RPS6KA2: variants seen among roughly 807,000 people sequenced by gnomAD.
The protein encoded by RPS6KA2 is ribosomal protein S6 kinase A2.
Under a neutral mutation model 91.8 loss-of-function variants are expected in RPS6KA2, and 42 were observed. The observed-to-expected ratio is 0.46, with a 90% CI of 0.36 to 0.59. The LOEUF (loss-of-function observed/expected upper bound fraction) is 0.59, where lower values mean the gene tolerates loss of function less well. RPS6KA2 is among the 20% of genes least tolerant of loss of function. RPS6KA2 has a pLI of 0.00. For missense variants in RPS6KA2, 798 were observed against 978.5 expected (o/e 0.82, Z 2.46); for synonymous variants, 414 against 393.6 (o/e 1.05, Z -0.61).
chr6:166,544,743 C>T (rs183149888), intron 1 of RPS6KA2: 2 of 152,270 alleles, frequency 1.3e-5, no homozygotes, highest in African/African-American at 4.8e-5. Context: ...TTAAACTGCC[C>T]TTTCTGCATC....
chr6:166,739,686 G>C (rs1206502069), intron 2 of RPS6KA2, among the ~76,000 whole-genome samples: 1 of 152,254 alleles, frequency 6.6e-6, no homozygotes, highest in Non-Finnish European at 1.5e-5. Context: ...AAATCCCTCT[G>C]TCTGTGCCAA....
At chr6:166,802,776 T>C (rs1345166516) in intron 2 of RPS6KA2, among the ~76,000 whole-genome samples, 1 of 152,166 alleles carries the variant, frequency 6.6e-6, no homozygotes, top group East Asian at 1.9e-4. Context: ...GGTTGAACGC[T>C]TGTCACTCAT....
At chr6:166,534,920 AT>A (rs943173971) in intron 2 of RPS6KA2, among the ~76,000 whole-genome samples, 1 of 152,084 alleles carries the variant, frequency 6.6e-6, no homozygotes, top group Admixed American at 6.6e-5. Flanking sequence ...TGCAAAAATG[AT>A]TTTGGTAACG....
At chr6:166,634,139 T>A (rs9348157) in intron 2 of RPS6KA2, among the ~76,000 whole-genome samples, 17,575 of 152,176 alleles carry the variant, frequency 0.12, 1,118 homozygotes, top group East Asian at 0.2. Context: ...AGGGACACAC[T>A]TGCATTTGAG....
At chr6:166,701,101 C>G (rs917281115) in intron 2 of RPS6KA2, 5 of 1,608,306 alleles carry the variant, frequency 3.1e-6, no homozygotes, top group Middle Eastern at 2.2e-4. Flanking sequence ...GCCTTACTTC[C>G]GTCTTGACTG....
chr6:166,858,143 C>T (rs1453479070), intron 2 of RPS6KA2: 3 of 1,029,856 alleles, frequency 2.9e-6, no homozygotes, highest in Non-Finnish European at 4.6e-6. Context: ...CCCTTCACCA[C>T]CTTCTGGGCC....
At chr6:166,601,428 G>A (rs899158660) in intron 1 of RPS6KA2, among the ~76,000 whole-genome samples, 1 of 152,198 alleles carries the variant, frequency 6.6e-6, no homozygotes, top group Non-Finnish European at 1.5e-5. Flanking sequence ...GCTACCTGGA[G>A]CATAAAGAAC....
chr6:166,503,186 T>G (rs891263750), intron 6 of RPS6KA2, among the ~76,000 whole-genome samples: 6 of 152,202 alleles, frequency 3.9e-5, no homozygotes, highest in Non-Finnish European at 7.4e-5. Context: ...TTTGGAGCAT[T>G]TCAGATTCGG....
Position 166,566,429 on chromosome 6 carries a change from A to G in RPS6KA2, c.100-27645T>C, listed in dbSNP as rs139629955. Among the ~76,000 whole-genome samples, 652 of 152,332 alleles carry G rather than the reference A, an allele frequency of 4.3e-3. 5 individuals are homozygous for G. The highest frequency in any genetic ancestry group is 0.015 in the African/African-American group (627 of 41,574). On this transcript the variant is annotated intron_variant, in intron 1 of 20. Coordinates refer to ENST00000265678, the MANE Select transcript of RPS6KA2 (RefSeq NM_021135.6). ...GATGGCTACCACCTCAGTCACCTCA[A>G]TAACCTCACTGTTGGTGCCACAGGT...
At chr6:166,838,528 C>A (rs754071576) in intron 2 of RPS6KA2, among the ~76,000 whole-genome samples, 6 of 152,124 alleles carry the variant, frequency 3.9e-5, no homozygotes, top group Non-Finnish European at 5.9e-5. Flanking sequence ...TTTATCTAGT[C>A]CACGTTCAAA....
chr6:166,645,705 G>A (rs1001211522), intron 2 of RPS6KA2, among the ~76,000 whole-genome samples: 5 of 152,216 alleles, frequency 3.3e-5, no homozygotes, highest in African/African-American at 9.7e-5. Context: ...AGTCCATGTT[G>A]TACCCACAGA....
In RPS6KA2 at chr6:166,538,686, T is replaced by C; in HGVS notation, c.198A>G (p.Gly66=). 1 of 1,601,460 alleles carries C rather than the reference T, an allele frequency of 6.2e-7. No individual in the cohort carries two copies. Among genetic ancestry groups the C allele is most frequent in the South Asian group, 1.1e-5 (1 of 90,772 alleles). ...PSQFELLKVL[G]QGSYGKVFLV... ...AACTTACCTTTCCATAGGATCCTTG[T>C]CCTAAAACCTTCAGCAGCTCAAACT... is the stretch of plus-strand genomic sequence containing the variant. The change falls in exon 2 of 21, where the codon GGA becomes GGG. Residue 66 remains glycine, a synonymous_variant. Transcript: ENST00000265678.
At chr6:166,754,116 G>A (rs1197061067) in intron 2 of RPS6KA2, among the ~76,000 whole-genome samples, 1 of 152,166 alleles carries the variant, frequency 6.6e-6, no homozygotes, top group Admixed American at 6.5e-5. Flanking sequence ...TGCCTGGAAC[G>A]GTTTCTCAGG....
At chr6:166,469,219 G>A (rs1336379074) in intron 11 of RPS6KA2, among the ~76,000 whole-genome samples, 5 of 151,976 alleles carry the variant, frequency 3.3e-5, no homozygotes, top group Non-Finnish European at 7.4e-5. Flanking sequence ...TGAGATACGA[G>A]AACTTCTCAG....
intron 2 of RPS6KA2, among the ~76,000 whole-genome samples, chr6:166,667,672 T>C (rs1278045658): frequency 1.3e-5 from 2 of 152,160 alleles, no homozygotes; most frequent in Admixed American, 1.3e-4. Flanking sequence ...CCCGACCCCC[T>C]GCAATTGTGG....
At chr6:166,570,831 A>G (rs1462933469) in intron 1 of RPS6KA2, among the ~76,000 whole-genome samples, 1 of 152,242 alleles carries the variant, frequency 6.6e-6, no homozygotes, top group African/African-American at 2.4e-5. Flanking sequence ...CAGAGACACA[A>G]AGGTAGATCT....
At chr6:166,837,686 C>T (rs979980977) in intron 2 of RPS6KA2, among the ~76,000 whole-genome samples, 11 of 152,164 alleles carry the variant, frequency 7.2e-5, no homozygotes, top group African/African-American at 2.2e-4. Flanking sequence ...GTCTTCCACC[C>T]GCCCTCTGCC....
At chr6:166,572,666 C>G (rs1452745010) in intron 1 of RPS6KA2, among the ~76,000 whole-genome samples, 1 of 152,220 alleles carries the variant, frequency 6.6e-6, no homozygotes, top group Non-Finnish European at 1.5e-5. Context: ...GGATAGGGGA[C>G]CAGGGTGGCT....
chr6:166,518,049 G>T (rs1334381057), intron 3 of RPS6KA2, among the ~76,000 whole-genome samples: 1 of 151,922 alleles, frequency 6.6e-6, no homozygotes, highest in African/African-American at 2.4e-5. Context: ...AATTCCTCTA[G>T]CGCTGCTGGG....
Sources: gnomAD v4.1 joint callset for allele counts (sites outside exome capture counted in the v4.1 genomes callset) on GRCh38, gnomAD v4.1.1 for gene constraint, MANE v1.5 for transcripts, NCBI Gene and HGNC (gene_info 2026-07-23, HGNC 2026-07-21) for gene names.